Variants in HIKESHI observed in about 807,000 individuals in gnomAD.
HIKESHI encodes protein Hikeshi.
Under a neutral mutation model 25.7 loss-of-function variants are expected in HIKESHI, and 13 were observed. That is an observed-to-expected ratio of 0.51 (90% CI 0.33 to 0.80). The LOEUF (loss-of-function observed/expected upper bound fraction) is 0.80, where lower values mean the gene tolerates loss of function less well. Among genes scored for constraint, HIKESHI ranks in the 30% least tolerant of loss-of-function variants. The pLI, the probability that HIKESHI is intolerant of heterozygous loss-of-function variation, is 0.02. For synonymous variants in HIKESHI, 76 were observed against 78.7 expected, an observed-to-expected ratio of 0.97 and a Z score of 0.18; for missense variants, 174 against 229.5, an observed-to-expected ratio of 0.76 and a Z score of 1.56.
At chr11:86,304,610 G>T (rs540146095) in intron 1 of HIKESHI, among the ~76,000 whole-genome samples, 4 of 150,000 alleles carry the variant, frequency 2.7e-5, no homozygotes, top group African/African-American at 9.9e-5. Context: ...TCCGCCTCCA[G>T]GTTCAAGCAA....
chr11:86,320,732 A>G (rs1947125113), intron 2 of HIKESHI, among the ~76,000 whole-genome samples: 3 of 152,200 alleles, frequency 2.0e-5, no homozygotes. Flanking sequence ...CAATCAATGA[A>G]TGGACCTGTT....
chr11:86,338,772 G>A (rs1182269369), intron 3 of HIKESHI, among the ~76,000 whole-genome samples: 1 of 152,120 alleles, frequency 6.6e-6, no homozygotes, highest in Non-Finnish European at 1.5e-5. Flanking sequence ...CAAATAAGCT[G>A]CTGTGCTGAA....
intron 2 of HIKESHI, among the ~76,000 whole-genome samples, chr11:86,315,328 C>T (rs34596735): frequency 0.62 from 91,814 of 149,066 alleles, 28,171 homozygotes; most frequent in East Asian, 0.78. Flanking sequence ...AAATAACTTC[C>T]TTTTTTTTTT....
chr11:86,311,052 T>A lies in HIKESHI; in HGVS notation c.268+4570T>A, dbSNP rs182551931. Among the ~76,000 whole-genome samples the A allele has an allele frequency of 6.0e-4, 91 of 152,352 alleles. No homozygotes were observed. In the East Asian group the frequency reaches 0.017, roughly 28 times the overall value. ...TTTTGTTGTCTCTGCTAGGCTTTGG[T>A]ATCAGGATGATGTTGGCCTCATGAA... is the stretch of plus-strand genomic sequence containing the variant. On this transcript the variant is annotated intron_variant, in intron 2 of 4. Coordinates refer to ENST00000278483, the MANE Select transcript of HIKESHI (RefSeq NM_016401.4).
At chr11:86,340,833 T>C (rs899869957) in intron 3 of HIKESHI, among the ~76,000 whole-genome samples, 2 of 152,090 alleles carry the variant, frequency 1.3e-5, no homozygotes. Flanking sequence ...TTAGTAAAGA[T>C]GGGGTTTCAC....
At chr11:86,331,635 A>T (rs1296034624) in intron 2 of HIKESHI, among the ~76,000 whole-genome samples, 1 of 152,190 alleles carries the variant, frequency 6.6e-6, no homozygotes, top group African/African-American at 2.4e-5. Flanking sequence ...TATAGAGGAC[A>T]GTGATGGACT....
Position 86,302,427 on chromosome 11 carries a change from G to T in HIKESHI, c.-22G>T. On this transcript the variant is annotated 5_prime_UTR_variant, in exon 1 of 5. Transcript: ENST00000278483. ...AGTCGCCGGCTTCAGGTCACTGCCG[G>T]CTGAACGGAGCTGCCGTCGCCATGT... 6.4e-7 allele frequency: 1 copy of T among 1,552,136 alleles called. No homozygotes were observed.
chr11:86,319,385 A>G lies in HIKESHI; in HGVS notation c.268+12903A>G, dbSNP rs1447410667. Among the ~76,000 whole-genome samples, 5 of 150,146 alleles carry G rather than the reference A, an allele frequency of 3.3e-5. No homozygotes were observed. The East Asian group carries it at 7.9e-4, about 24-fold the overall frequency. On this transcript the variant is annotated intron_variant, in intron 2 of 4. Transcript: ENST00000278483. The stretch of plus-strand genomic sequence containing the variant: ...CCCGAGGAGCTAGGATCACAAGCAC[A>G]CATCACCACACCTGGCTAATTTGTG...
intron 2 of HIKESHI, among the ~76,000 whole-genome samples, chr11:86,325,952 A>C (rs1358442410): frequency 6.6e-6 from 1 of 151,894 alleles, no homozygotes; most frequent in Non-Finnish European, 1.5e-5. Context: ...GGTTCCTTAC[A>C]GTTTTGGCTT....
intron 2 of HIKESHI, among the ~76,000 whole-genome samples, chr11:86,308,111 A>G (rs1946712800): frequency 7.8e-6 from 1 of 127,912 alleles, no homozygotes; most frequent in South Asian, 2.2e-4. Flanking sequence ...TATATACTAT[A>G]TATACAGTAT....
chr11:86,345,239 A>G, intron 4 of HIKESHI: 1 of 611,644 alleles, frequency 1.6e-6, no homozygotes, highest in Non-Finnish European at 2.1e-6. Context: ...ACCCTGAGCA[A>G]ATTTCTCTCA....
At chr11:86,314,828 G>A (rs574275970) in intron 2 of HIKESHI, among the ~76,000 whole-genome samples, 1 of 152,304 alleles carries the variant, frequency 6.6e-6, no homozygotes, top group East Asian at 1.9e-4. Context: ...CTGATCTGCA[G>A]TGTCAACATC....
At chr11:86,307,010 A>T (rs201569114) in intron 2 of HIKESHI, among the ~76,000 whole-genome samples, 2 of 142,014 alleles carry the variant, frequency 1.4e-5, no homozygotes, top group African/African-American at 5.0e-5. Flanking sequence ...AAAGAAAAAA[A>T]AAATATATAT....
chr11:86,304,871 A>G (rs1341253023), intron 1 of HIKESHI, among the ~76,000 whole-genome samples: 1 of 152,106 alleles, frequency 6.6e-6, no homozygotes, highest in African/African-American at 2.4e-5. Context: ...ATGACTGCAG[A>G]AATGCAGCAA....
At chr11:86,310,007 C>A (rs1946790113) in intron 2 of HIKESHI, among the ~76,000 whole-genome samples, 1 of 150,034 alleles carries the variant, frequency 6.7e-6, no homozygotes, top group Non-Finnish European at 1.5e-5. Flanking sequence ...CGTGATGTCT[C>A]CAGCTTTGTT....
intron 2 of HIKESHI, among the ~76,000 whole-genome samples, chr11:86,319,023 C>A (rs982351729): frequency 2.0e-5 from 3 of 151,942 alleles, no homozygotes; most frequent in Non-Finnish European, 2.9e-5. Flanking sequence ...CTCAAGCCAT[C>A]CTCCTGCCTT....
intron 2 of HIKESHI, among the ~76,000 whole-genome samples, chr11:86,336,382 G>C (rs994906171): frequency 2.0e-5 from 3 of 152,184 alleles, no homozygotes; most frequent in Admixed American, 2.0e-4. Context: ...TAACCCCCAA[G>C]GTATTGGGAG....
chr11:86,316,771 C>CTTTCTTTT (rs1946991963), intron 2 of HIKESHI, among the ~76,000 whole-genome samples: 1 of 68,778 alleles, frequency 1.5e-5, no homozygotes, highest in African/African-American at 6.3e-5. Context: ...CTGAAACATT[C>CTTTCTTTT]TTTTTTTTTT....
Position 86,302,253 on chromosome 11 carries a change from T to C in HIKESHI, c.-196T>C, listed in dbSNP as rs1030729542. On this transcript the variant is annotated 5_prime_UTR_variant, in exon 1 of 5. Coordinates refer to ENST00000278483, the MANE Select transcript of HIKESHI (RefSeq NM_016401.4). ...CCGGAAGTACTTGTTGCCTGAGCAG[T>C]GGGCTGCTTAGGAAGAGAAGGTCAG... 11 of 625,114 alleles carry C rather than the reference T, an allele frequency of 1.8e-5. No homozygotes were observed. Among genetic ancestry groups the C allele is most frequent in the East Asian group, 8.6e-5 (3 of 34,716 alleles). 38.7% of individuals were successfully genotyped at this position (625,114 alleles called of 1,614,324 possible).
Sources: gnomAD v4.1 joint callset for allele counts (sites outside exome capture counted in the v4.1 genomes callset) on GRCh38, gnomAD v4.1.1 for gene constraint, MANE v1.5 for transcripts, NCBI Gene and HGNC (gene_info 2026-07-23, HGNC 2026-07-21) for gene names.